HGD: variants seen among roughly 807,000 people sequenced by gnomAD.
HGD encodes homogentisate oxidase.
HGD carries 61 observed loss-of-function variants against 60.8 expected under a neutral mutation model. The observed-to-expected ratio is 1.00, with a 90% confidence interval of 0.82 to 1.24. The LOEUF (loss-of-function observed/expected upper bound fraction) is 1.24. Ranked by LOEUF, HGD falls within the 50% of genes most tolerant of loss-of-function variation. HGD has a pLI of 0.00. For synonymous variants in HGD, 212 were observed against 187.7 expected (o/e 1.13, Z -1.06); for missense variants, 542 against 547.1 (o/e 0.99, Z 0.09).
intron 13 of HGD, among the ~76,000 whole-genome samples, chr3:120,631,397 A>G (rs1473915173): frequency 6.6e-6 from 1 of 152,226 alleles, no homozygotes; most frequent in Non-Finnish European, 1.5e-5. Context: ...GCTTGAGGTA[A>G]TGGATACCCC....
rs144726592 is a variant in HGD, at chr3:120,649,952, C to G, written c.434+822G>C. On this transcript the variant is annotated intron_variant, in intron 6 of 13. Transcript: ENST00000283871. ...CCCACAAAACCCCTAGGTCACAGCTCAGTTCCTCCTTTTAAGAAAAAAAAC... is the reference window on the plus strand; with the variant it reads ...CCCACAAAACCCCTAGGTCACAGCTGAGTTCCTCCTTTTAAGAAAAAAAAC... 7.1e-3 allele frequency among the ~76,000 whole-genome samples: 1,082 copies of G among 152,168 alleles called. 11 individuals carry two copies. The highest frequency in any genetic ancestry group is 0.024 in the African/African-American group (1,007 of 41,500).
chr3:120,677,365 G>A (rs1708150223), intron 1 of HGD, among the ~76,000 whole-genome samples: 1 of 152,152 alleles, frequency 6.6e-6, no homozygotes, highest in Non-Finnish European at 1.5e-5. Flanking sequence ...GAACATCCCT[G>A]AGAAAGAGAA....
intron 12 of HGD, 62 bp from the exon 13 acceptor site, chr3:120,633,390 C>G: frequency 6.2e-7 from 1 of 1,613,124 alleles, no homozygotes; most frequent in South Asian, 1.1e-5. Context: ...AACACAAAGC[C>G]CCTTAAACAT....
Position 120,646,271 on chromosome 3 carries a change from T to C in HGD, c.645A>G (p.Pro215=). ...GVHFELPDLG[P]IGANGLANPR... Reference sequence around the variant, plus strand: ...AGGCTTGTAATGAAGATTTACCAATTGGTCCAAGGTCAGGTAACTCAAAGT... The same window carrying C: ...AGGCTTGTAATGAAGATTTACCAATCGGTCCAAGGTCAGGTAACTCAAAGT... Residue 215 remains proline, a synonymous_variant, in exon 9 of 14, where the codon CCA becomes CCG. Transcript: ENST00000283871. 1 of 1,592,988 alleles carries C rather than the reference T, an allele frequency of 6.3e-7. No individual in the cohort carries two copies. The highest frequency in any genetic ancestry group is 8.6e-7 in the Non-Finnish European group (1 of 1,160,794).
chr3:120,630,245 G>A (rs1011051886), intron 13 of HGD, among the ~76,000 whole-genome samples: 3 of 152,078 alleles, frequency 2.0e-5, no homozygotes, highest in African/African-American at 7.2e-5. Flanking sequence ...AAATACCAAC[G>A]ACATTCTTCA....
chr3:120,669,302 C>T (rs190329617), intron 4 of HGD, among the ~76,000 whole-genome samples: 4 of 151,926 alleles, frequency 2.6e-5, no homozygotes, highest in Admixed American at 2.6e-4. Context: ...ATATTTTGAC[C>T]AACCTATAAA....
At chr3:120,660,021 T>A (rs1941615594) in intron 4 of HGD, among the ~76,000 whole-genome samples, 1 of 152,162 alleles carries the variant, frequency 6.6e-6, no homozygotes, top group African/African-American at 2.4e-5. Context: ...CTCATGACAG[T>A]GAGTTCTCAT....
At chr3:120,681,132 C>G (rs1050953480) in intron 1 of HGD, among the ~76,000 whole-genome samples, 1 of 152,212 alleles carries the variant, frequency 6.6e-6, no homozygotes, top group Non-Finnish European at 1.5e-5. Flanking sequence ...AACACCTCCC[C>G]TTAACTGATG....
intron 13 of HGD, among the ~76,000 whole-genome samples, chr3:120,630,884 T>C (rs1036921892): frequency 5.0e-5 from 6 of 120,020 alleles, no homozygotes; most frequent in Non-Finnish European, 1.0e-4. Context: ...ACACAGATAA[T>C]GGAATACTAT....
At chr3:120,649,755 C>CT (rs1264280976) in intron 6 of HGD, among the ~76,000 whole-genome samples, 1 of 152,042 alleles carries the variant, frequency 6.6e-6, no homozygotes, top group Non-Finnish European at 1.5e-5. Flanking sequence ...GGAACCCCCC[C>CT]AAAAATAGTT....
chr3:120,639,071 G>A (rs1008385159), intron 11 of HGD, among the ~76,000 whole-genome samples: 1 of 152,174 alleles, frequency 6.6e-6, no homozygotes, highest in African/African-American at 2.4e-5. Flanking sequence ...ATGTGGAACT[G>A]TGGATATGTT....
At chr3:120,644,228 A>T in intron 10 of HGD, 91 bp downstream of exon 10, 1 of 1,437,654 alleles carries the variant, frequency 7.0e-7, no homozygotes, top group Non-Finnish European at 9.7e-7. Flanking sequence ...ACGAAAGGAT[A>T]TATGTAAAGT....
chr3:120,633,100 G>A (rs1576284388), intron 13 of HGD, 47 bp downstream of exon 13: 4 of 1,566,532 alleles, frequency 2.6e-6, no homozygotes, highest in Non-Finnish European at 3.5e-6. Flanking sequence ...TCTCAGTAAG[G>A]GTGGGGAGTT....
intron 4 of HGD, among the ~76,000 whole-genome samples, chr3:120,657,186 C>T (rs527575592): frequency 6.6e-6 from 1 of 152,232 alleles, no homozygotes; most frequent in South Asian, 2.1e-4. Flanking sequence ...GGAAGATAAA[C>T]TTTTACTTGC....
intron 3 of HGD, among the ~76,000 whole-genome samples, chr3:120,672,372 G>A (rs756420181): frequency 2.6e-5 from 4 of 152,158 alleles, no homozygotes; most frequent in Non-Finnish European, 5.9e-5. Context: ...AAGGGACATT[G>A]AAGCTCACTA....
At chr3:120,667,709 C>G (rs1461057200) in intron 4 of HGD, among the ~76,000 whole-genome samples, 2 of 152,132 alleles carry the variant, frequency 1.3e-5, no homozygotes, top group Non-Finnish European at 2.9e-5. Context: ...CATGAGCAGG[C>G]AGGAGCCCTG....
chr3:120,644,587 C>T (rs1051376463), intron 9 of HGD, 144 bp from the exon 10 acceptor site: 20 of 1,543,186 alleles, frequency 1.3e-5, no homozygotes, highest in Non-Finnish European at 1.7e-5. Context: ...ACTGCATTTC[C>T]AGTCTGGTAC....
At chr3:120,669,483 A>ACACT (rs1455844316) in intron 4 of HGD, among the ~76,000 whole-genome samples, 1 of 148,470 alleles carries the variant, frequency 6.7e-6, no homozygotes, top group African/African-American at 2.5e-5. Flanking sequence ...ACACACACAC[A>ACACT]CACGCAGACT....
At chr3:120,681,688 C>G (rs1333939492) in intron 1 of HGD, among the ~76,000 whole-genome samples, 1 of 152,114 alleles carries the variant, frequency 6.6e-6, no homozygotes, top group Non-Finnish European at 1.5e-5. Flanking sequence ...GATTCAGAGC[C>G]TTAATTAACT....
Sources: allele counts gnomAD v4.1 joint callset (sites outside exome capture counted in the v4.1 genomes callset), GRCh38; gene constraint gnomAD v4.1.1; transcripts MANE v1.5; gene names NCBI Gene and HGNC (gene_info 2026-07-23, HGNC 2026-07-21).